The following RAPGEF1 variants were observed in gnomAD, a reference collection of about 807,000 sequenced individuals.
RAPGEF1 encodes the protein CRK SH3-binding GNRP.
Under a neutral mutation model 143.3 loss-of-function variants are expected in RAPGEF1, and 33 were observed. That is an observed-to-expected ratio of 0.23 (90% CI 0.17 to 0.31). The LOEUF (loss-of-function observed/expected upper bound fraction) is 0.31, where lower values mean the gene tolerates loss of function less well. Among genes scored for constraint, RAPGEF1 ranks in the 10% least tolerant of loss-of-function variants. The probability of loss-of-function intolerance (pLI) is 1.00; values close to 1 mark genes in which losing one functional copy is unlikely to be tolerated. For missense variants in RAPGEF1, 1,199 were observed against 1,645.4 expected, an observed-to-expected ratio of 0.73 and a Z score of 4.69; for synonymous variants, 629 against 676.5, an observed-to-expected ratio of 0.93 and a Z score of 1.09.
At position 131,589,132 on chromosome 9, in the gene RAPGEF1, G is replaced by A. The variant is rs955850117; in HGVS notation, c.2868-146C>T. 17 of 753,230 alleles carry A rather than the reference G, an allele frequency of 2.3e-5. No homozygotes were observed. In the East Asian group the frequency reaches 3.0e-4, roughly 13 times the overall value. The allele number at this position is 753,230 out of a possible 1,614,324, so 46.7% of individuals were successfully genotyped here. On this transcript the variant is annotated intron_variant, in intron 19 of 26. Coordinates refer to ENST00000683357, the MANE Select transcript of RAPGEF1 (RefSeq NM_001377935.1). Reference sequence around the variant, plus strand: ...TTCTCATGGGAAGAGAGCAGGAGACGAGAGCCTGGGATGGCTGCCTGTGTC... The same window carrying A: ...TTCTCATGGGAAGAGAGCAGGAGACAAGAGCCTGGGATGGCTGCCTGTGTC...
intron 9 of RAPGEF1, among the ~76,000 whole-genome samples, 186 bp from the exon 10 acceptor site, chr9:131,626,608 G>A (rs1963162028): frequency 6.6e-6 from 1 of 151,982 alleles, no homozygotes; most frequent in Admixed American, 6.6e-5. Context: ...CAAACCAGAT[G>A]GGAATATGGC....
At chr9:131,716,248 C>T (rs1180818358) in intron 1 of RAPGEF1, among the ~76,000 whole-genome samples, 1 of 152,212 alleles carries the variant, frequency 6.6e-6, no homozygotes, top group Non-Finnish European at 1.5e-5. Context: ...TCAAGGACCC[C>T]CCCAATGATA....
At chr9:131,659,465 C>T (rs767736293) in intron 1 of RAPGEF1, among the ~76,000 whole-genome samples, 3 of 152,160 alleles carry the variant, frequency 2.0e-5, no homozygotes, top group Non-Finnish European at 4.4e-5. Flanking sequence ...GGGATCCTCC[C>T]ATCTCAGCCT....
In RAPGEF1 at chr9:131,737,384, C is replaced by T. The variant is rs1837488021; in HGVS notation, c.61+2386G>A. The T allele has an allele frequency of 2.5e-6, 4 of 1,613,832 alleles. No individual in the cohort carries two copies. In the African/African-American group the frequency reaches 4.0e-5, roughly 16 times the overall value. ...CTCCAGTGTCTTCCTCATTCCCGCACTCATGACACCCCTCTCTCACCTGTG... is the reference window on the plus strand; with the variant it reads ...CTCCAGTGTCTTCCTCATTCCCGCATTCATGACACCCCTCTCTCACCTGTG... On this transcript the variant is annotated intron_variant, in intron 1 of 26. Transcript: ENST00000683357.
chr9:131,590,027 G>A (rs1311079188), intron 18 of RAPGEF1, 49 bp from the exon 19 acceptor site: 3 of 1,537,878 alleles, frequency 2.0e-6, no homozygotes, highest in Non-Finnish European at 2.7e-6. Context: ...GAGGGTGGTG[G>A]AGTGGAGGAC....
At chr9:131,585,081 C>T (rs1352238550) in intron 22 of RAPGEF1, among the ~76,000 whole-genome samples, 1 of 152,222 alleles carries the variant, frequency 6.6e-6, no homozygotes, top group African/African-American at 2.4e-5. Flanking sequence ...AAAGGCCAGT[C>T]TCATCTGTGT....
At chr9:131,712,520 T>C (rs1306355780) in intron 1 of RAPGEF1, among the ~76,000 whole-genome samples, 1 of 152,182 alleles carries the variant, frequency 6.6e-6, no homozygotes, top group East Asian at 1.9e-4. Context: ...CTCTGGGCCC[T>C]GGAATTTCTT....
intron 1 of RAPGEF1, among the ~76,000 whole-genome samples, chr9:131,669,789 A>T (rs1351707628): frequency 1.3e-5 from 2 of 152,206 alleles, no homozygotes; most frequent in African/African-American, 4.8e-5. Flanking sequence ...GGAAAATCAG[A>T]AGTCCTCCTG....
chr9:131,739,207 C>T lies in RAPGEF1; in HGVS notation c.61+563G>A, dbSNP rs1046883767. On this transcript the variant is annotated intron_variant, in intron 1 of 26. Transcript: ENST00000683357. The stretch of plus-strand genomic sequence containing the variant: ...ACCATCTACTCCAACCCACCGGTCC[C>T]CCACCTGCCCTCCTTGCAGAGCTGA... Among the ~76,000 whole-genome samples, 12 of 152,342 alleles carry T rather than the reference C, an allele frequency of 7.9e-5. 1 individual carries two copies. The highest frequency in any genetic ancestry group is 2.4e-4 in the African/African-American group (10 of 41,582).
At chr9:131,727,817 A>G (rs963607403) in intron 1 of RAPGEF1, among the ~76,000 whole-genome samples, 1 of 152,232 alleles carries the variant, frequency 6.6e-6, no homozygotes, top group East Asian at 1.9e-4. Flanking sequence ...GAACAGAAAA[A>G]AAACAAGGAC....
chr9:131,612,124 C>T (rs934524657), intron 12 of RAPGEF1, among the ~76,000 whole-genome samples: 13 of 152,214 alleles, frequency 8.5e-5, no homozygotes, highest in Admixed American at 7.2e-4. Flanking sequence ...CCTCAGGATG[C>T]GTGTCAGTGC....
chr9:131,642,952 C>T (rs1032970971), intron 4 of RAPGEF1, among the ~76,000 whole-genome samples: 10 of 152,310 alleles, frequency 6.6e-5, no homozygotes, highest in Non-Finnish European at 1.2e-4. Context: ...GTCCGGGAGG[C>T]GTCCTGGCTT....
chr9:131,692,867 T>C (rs1833880860), intron 1 of RAPGEF1, among the ~76,000 whole-genome samples: 1 of 152,222 alleles, frequency 6.6e-6, no homozygotes, highest in East Asian at 1.9e-4. Context: ...ATCTGCACAG[T>C]TGCTAATGCT....
Position 131,739,929 on chromosome 9 carries a change from G to T in RAPGEF1, c.-99C>A. 1 of 681,142 alleles carries T rather than the reference G, an allele frequency of 1.5e-6. No homozygotes were observed. The highest frequency in any genetic ancestry group is 1.8e-6 in the Non-Finnish European group (1 of 555,092). The allele number at this position is 681,142 out of a possible 1,614,324, so 42.2% of individuals were successfully genotyped here. A position where few individuals can be genotyped will look rare whatever the true frequency, so the allele number is the denominator to read the frequency against. On this transcript the variant is annotated 5_prime_UTR_variant, in exon 1 of 27. Coordinates refer to ENST00000683357, the MANE Select transcript of RAPGEF1 (RefSeq NM_001377935.1). ...GCCTCAGACCCGCGCCGGCATGGCG[G>T]GCTCCGCGCGGCCGCGGCCCTGCGC...
chr9:131,651,551 T>C (rs1449540662), intron 1 of RAPGEF1, among the ~76,000 whole-genome samples: 1 of 152,228 alleles, frequency 6.6e-6, no homozygotes, highest in Non-Finnish European at 1.5e-5. Flanking sequence ...GAGTTACAAC[T>C]GTAAACCTCT....
At position 131,589,888 on chromosome 9, in the gene RAPGEF1, G is replaced by A. The variant is rs1389092090; in HGVS notation, c.2865C>T (p.Leu955=). 1.9e-6 allele frequency: 3 copies of A among 1,613,392 alleles called. No homozygotes were observed. Among genetic ancestry groups the A allele is most frequent in the African/African-American group, 2.7e-5 (2 of 74,910 alleles). The part of the protein sequence containing the change: ...FFVLVRVVDE[L]CLVELTEEIL... ...GACCCCAAGGGTGAAGCACTCACCA[G>A]AGCTCATCCACCACCCGTACCAGCA... Residue 955 remains leucine, a splice_region_variant and synonymous_variant, in exon 19 of 27, where the codon CTC becomes CTT. Coordinates refer to ENST00000683357, the MANE Select transcript of RAPGEF1 (RefSeq NM_001377935.1).
intron 1 of RAPGEF1, among the ~76,000 whole-genome samples, chr9:131,685,793 G>A (rs1175325818): frequency 1.3e-5 from 2 of 152,176 alleles, no homozygotes; most frequent in Admixed American, 6.5e-5. Context: ...GGGTCTCCCC[G>A]ACCTAGCTGG....
intron 15 of RAPGEF1, among the ~76,000 whole-genome samples, chr9:131,600,680 G>C (rs1383162706): frequency 6.6e-6 from 1 of 152,222 alleles, no homozygotes; most frequent in African/African-American, 2.4e-5. Context: ...GGTGGCTAAA[G>C]CTTGACCTAA....
chr9:131,705,317 C>T (rs759300203), intron 1 of RAPGEF1, among the ~76,000 whole-genome samples: 2 of 151,948 alleles, frequency 1.3e-5, no homozygotes, highest in Admixed American at 1.3e-4. Context: ...ATGAACCCTG[C>T]GACTGCCCGC....
Sources: allele counts gnomAD v4.1 joint callset (sites outside exome capture counted in the v4.1 genomes callset), GRCh38; gene constraint gnomAD v4.1.1; transcripts MANE v1.5; gene names NCBI Gene and HGNC (gene_info 2026-07-23, HGNC 2026-07-21).